The following SYNE2 variants were observed in gnomAD, a reference collection of about 807,000 sequenced individuals.
SYNE2 encodes spectrin repeat containing nuclear envelope protein 2.
A neutral mutation model predicts 856.3 loss-of-function variants in SYNE2; 431 were observed. That is an observed-to-expected ratio of 0.50 (90% confidence interval 0.47 to 0.55). SYNE2 has a LOEUF of 0.55. Ranked by LOEUF, SYNE2 falls within the 20% of genes least tolerant of loss-of-function variation. SYNE2 has a pLI of 0.00. For synonymous variants in SYNE2, 2,923 were observed against 2,872.3 expected (o/e 1.02, Z -0.56); for missense variants, 8,129 against 8,023.2 (o/e 1.01, Z -0.50).
At chr14:64,089,369 GAAAAAAAAAAAAAA>G (rs57358817) in intron 58 of SYNE2, among the ~76,000 whole-genome samples, 191 bp from the exon 59 acceptor site, 9 of 50,462 alleles carry the variant, frequency 1.8e-4, no homozygotes, top group East Asian at 1.4e-3. Flanking sequence ...TCCGTCTCAG[GAAAAAAAAAAAAAA>G]AAAAAAAAAA....
chr14:64,107,611 A>G lies in SYNE2; in HGVS notation c.12609+4A>G. 1 of 1,611,492 alleles carries G rather than the reference A, an allele frequency of 6.2e-7. No homozygotes were observed. Among genetic ancestry groups the G allele is most frequent in the Non-Finnish European group, 8.5e-7 (1 of 1,177,578 alleles). On this transcript the variant is annotated splice_donor_region_variant and intron_variant, in intron 65 of 115. Coordinates refer to ENST00000555002, the MANE Select transcript of SYNE2 (RefSeq NM_182914.3). Reference sequence around the variant, plus strand: ...AAGGCCCAACCAAACAGAAGAGGTAAGTCCTGGTTGGTAATAAGTAAACTG... The same window carrying G: ...AAGGCCCAACCAAACAGAAGAGGTAGGTCCTGGTTGGTAATAAGTAAACTG...
At chr14:64,003,419 C>G in intron 30 of SYNE2, 89 bp downstream of exon 30, 2 of 1,503,394 alleles carry the variant, frequency 1.3e-6, no homozygotes, top group Non-Finnish European at 1.8e-6. Flanking sequence ...CTTCCTATGT[C>G]TTTCTGCTTC....
At chr14:63,767,989 T>C (rs1886750074) in intron 1 of SYNE2, among the ~76,000 whole-genome samples, 1 of 151,926 alleles carries the variant, frequency 6.6e-6, no homozygotes, top group Non-Finnish European at 1.5e-5. Flanking sequence ...AGCGCAGGAG[T>C]TCAGGACCAG....
At chr14:64,041,870 G>C (rs532180895) in intron 45 of SYNE2, among the ~76,000 whole-genome samples, 1 of 150,610 alleles carries the variant, frequency 6.6e-6, no homozygotes, top group African/African-American at 2.4e-5. Flanking sequence ...AAAGAAAAAA[G>C]AAAAGAAAAT....
intron 63 of SYNE2, among the ~76,000 whole-genome samples, chr14:64,100,526 AAAAAAATATATATATATAT>A (rs1211888572): frequency 2.6e-5 from 2 of 76,330 alleles, no homozygotes; most frequent in African/African-American, 7.0e-5. Flanking sequence ...AAAAAAAAAA[AAAAAAATATATATATATAT>A]ATATATATAT....
intron 1 of SYNE2, among the ~76,000 whole-genome samples, chr14:63,765,863 A>G (rs1234429163): frequency 6.6e-6 from 1 of 152,098 alleles, no homozygotes; most frequent in Non-Finnish European, 1.5e-5. Context: ...TGCCCTGGCC[A>G]GGTGTGTTGG....
chr14:64,079,091 T>C (rs1468240010), intron 55 of SYNE2, among the ~76,000 whole-genome samples: 3 of 152,086 alleles, frequency 2.0e-5, no homozygotes, highest in African/African-American at 7.2e-5. Flanking sequence ...ATTCTGTTTT[T>C]CCATGGTGGG....
intron 1 of SYNE2, chr14:63,762,122 A>G: frequency 2.3e-6 from 1 of 440,528 alleles, no homozygotes; most frequent in South Asian, 1.8e-5. Context: ...CCTACGATAG[A>G]AGATTCCTAT....
chr14:64,016,535 C>G lies in SYNE2; in HGVS notation c.4791C>G (p.Val1597=). ...HLEVVDKINQ[V]CKNLQFYLNK... ...AAGTTGTAGACAAGATAAACCAGGT[C>G]TGCAAAAATCTACAATTTTATCTAA... Residue 1597 remains valine (V), a synonymous_variant, in exon 33 of 116, where the codon GTC becomes GTG. Transcript: ENST00000555002. 6.2e-7 allele frequency: 1 copy of G among 1,603,438 alleles called. No homozygotes were observed. Among genetic ancestry groups the G allele is most frequent in the South Asian group, 1.1e-5 (1 of 88,892 alleles).
In SYNE2 at chr14:64,214,329, G is replaced by T; in HGVS notation, c.19192G>T (p.Ala6398Ser). 1.9e-6 allele frequency: 3 copies of T among 1,614,134 alleles called. No individual in the cohort carries two copies. Among genetic ancestry groups the T allele is most frequent in the Non-Finnish European group, 2.5e-6 (3 of 1,180,020 alleles). The change falls in exon 106 of 116, where the codon GCC (alanine) becomes TCC (serine). Residue 6398 changes from alanine to serine, a missense_variant. By Grantham distance (99) the Ala-to-Ser change is moderately conservative. This residue lies in a region of SYNE2 where 5,410 missense variants were observed against 5,284.8 expected (regional missense o/e 1.02). Coordinates refer to ENST00000555002, the MANE Select transcript of SYNE2 (RefSeq NM_182914.3). ...TCCTCAGTCCCTGTGTCATCTAGTG[G>T]CCCCAGGGCACGAGCGGTCTGGCTG... ...SSPQSLCHLV[A>S]PGHERSGCET...
At chr14:64,218,602 TA>T (rs772973128) in intron 109 of SYNE2, 90 bp downstream of exon 109, 3 of 1,279,772 alleles carry the variant, frequency 2.3e-6, no homozygotes, top group Non-Finnish European at 3.3e-6. Flanking sequence ...ATTAACCAAC[TA>T]TACGATTCGC....
At chr14:63,867,357 GT>G (rs1186077197) in intron 1 of SYNE2, among the ~76,000 whole-genome samples, 3 of 145,134 alleles carry the variant, frequency 2.1e-5, no homozygotes, top group African/African-American at 7.6e-5. Context: ...TCTATTCTCA[GT>G]TCTTCTGTGC....
chr14:64,050,964 T>C (rs1047879360), intron 47 of SYNE2, among the ~76,000 whole-genome samples: 2 of 150,696 alleles, frequency 1.3e-5, no homozygotes, highest in African/African-American at 2.5e-5. Context: ...GAGGTTGCAG[T>C]GAGCTGAGAT....
In SYNE2 at chr14:64,063,960, G is replaced by T. The variant is rs564241511; in HGVS notation, c.10212+1065G>T. ...TAAAGTTTAATTTATAAATTAAAGT[G>T]CAGTCAGAGGTCAACAACAATAACA... On this transcript the variant is annotated intron_variant, in intron 50 of 115. Transcript: ENST00000555002. Among the ~76,000 whole-genome samples, 8 of 152,254 alleles carry T rather than the reference G, an allele frequency of 5.3e-5. 1 individual carries two copies. Among genetic ancestry groups the T allele is most frequent in the Middle Eastern group, 3.4e-3 (1 of 294 alleles).
rs757659613 is a variant in SYNE2, at chr14:64,142,034, C to T, written c.15252C>T (p.Ser5084=). The T allele has an allele frequency of 1.4e-5, 22 of 1,613,862 alleles. No individual in the cohort carries two copies. Among genetic ancestry groups the T allele is most frequent in the South Asian group, 6.6e-5 (6 of 91,072 alleles). Reference sequence around the variant, plus strand: ...AGCATCAAACTTCAGATGAAGACTCCGTGCATTCACCAAGTTCTGCATCTC... The same window carrying T: ...AGCATCAAACTTCAGATGAAGACTCTGTGCATTCACCAAGTTCTGCATCTC... The part of the protein sequence containing the change: ...NVEHQTSDED[S]VHSPSSASQV... The change falls in exon 82 of 116, where the codon TCC becomes TCT. Residue 5084 remains serine, a synonymous_variant. Transcript: ENST00000555002.
At chr14:63,859,745 G>C (rs1892984104) in intron 1 of SYNE2, among the ~76,000 whole-genome samples, 2 of 152,190 alleles carry the variant, frequency 1.3e-5, no homozygotes, top group Admixed American at 1.3e-4. Context: ...GAACTCAGGG[G>C]GTGGAGGTTA....
At chr14:64,107,723 C>A in intron 65 of SYNE2, 116 bp downstream of exon 65, 1 of 865,366 alleles carries the variant, frequency 1.2e-6, no homozygotes, top group Non-Finnish European at 2.0e-6. Flanking sequence ...TCCTTGTGAA[C>A]TTTAACATAT....
At chr14:63,948,746 G>A (rs1206907791) in intron 6 of SYNE2, among the ~76,000 whole-genome samples, 2 of 110,190 alleles carry the variant, frequency 1.8e-5, no homozygotes, top group African/African-American at 7.2e-5. Context: ...ATAGATATGT[G>A]TGTGTATATA....
At chr14:63,780,332 A>G (rs746673360) in intron 1 of SYNE2, among the ~76,000 whole-genome samples, 104 of 152,158 alleles carry the variant, frequency 6.8e-4, no homozygotes, top group Admixed American at 1.8e-3. Context: ...TCAGGAGTTC[A>G]AGACCAGCCT....
Sources: gnomAD v4.1 joint callset for allele counts (sites outside exome capture counted in the v4.1 genomes callset) on GRCh38, gnomAD v4.1.1 for gene constraint, gnomAD v4.1.1 regional missense constraint, MANE v1.5 for transcripts, NCBI Gene and HGNC (gene_info 2026-07-23, HGNC 2026-07-21) for gene names.